CAST: variants seen among roughly 807,000 people sequenced by gnomAD.
CAST encodes the protein MIR583 host.
Under a neutral mutation model 119.6 loss-of-function variants are expected in CAST, and 76 were observed. The observed-to-expected ratio is 0.64, with a 90% CI of 0.53 to 0.77. The LOEUF (loss-of-function observed/expected upper bound fraction) is 0.77, where lower values mean the gene tolerates loss of function less well. CAST is among the 30% of genes least tolerant of loss of function. The pLI is 0.00. For synonymous variants in CAST, 319 were observed against 331.6 expected, an observed-to-expected ratio of 0.96 and a Z score of 0.41; for missense variants, 953 against 946.5, an observed-to-expected ratio of 1.01 and a Z score of -0.09.
the CAST span, among the ~76,000 whole-genome samples, chr5:96,436,967 C>T: frequency 2.6e-5 from 4 of 152,186 alleles, no homozygotes; most frequent in Non-Finnish European, 5.9e-5. Flanking sequence ...TGGAAATAGA[C>T]ATGCTTGCAG....
chr5:95,970,111 T>A, the CAST span: 13 of 152,380 alleles, frequency 8.5e-5, no homozygotes, highest in African/African-American at 2.9e-4. Flanking sequence ...CTAAGTCACT[T>A]GCTTCACGCA....
chr5:96,614,086 A>T (rs1326153164), intron 1 of CAST, among the ~76,000 whole-genome samples: 2 of 152,208 alleles, frequency 1.3e-5, no homozygotes, highest in Non-Finnish European at 2.9e-5. Flanking sequence ...GTGACCAGGT[A>T]ATACAAATGC....
chr5:96,204,483 C>T, the CAST span, among the ~76,000 whole-genome samples: 1 of 152,070 alleles, frequency 6.6e-6, no homozygotes, highest in Non-Finnish European at 1.5e-5. Flanking sequence ...ACTAGGTCCT[C>T]TACTAATTCC....
chr5:96,731,731 G>C (rs151903), intron 9 of CAST, among the ~76,000 whole-genome samples: 99,881 of 141,168 alleles, frequency 0.71, 35,289 homozygotes, highest in Admixed American at 0.78. Flanking sequence ...CAATTCCCAC[G>C]TATGAGTGAG....
chr5:96,098,464 T>C, the CAST span, among the ~76,000 whole-genome samples: 1 of 152,194 alleles, frequency 6.6e-6, no homozygotes, highest in East Asian at 1.9e-4. Flanking sequence ...TGGTTTTACA[T>C]TGAAGTCTTT....
the CAST span, among the ~76,000 whole-genome samples, chr5:96,332,898 G>C: frequency 1.3e-5 from 2 of 152,112 alleles, no homozygotes; most frequent in Non-Finnish European, 2.9e-5. Context: ...TGGTCTCCTG[G>C]CTTGGGTTCC....
At chr5:96,476,200 CT>C in the CAST span, among the ~76,000 whole-genome samples, 2 of 152,130 alleles carry the variant, frequency 1.3e-5, no homozygotes, top group South Asian at 2.1e-4. Flanking sequence ...AATAAAGAAG[CT>C]GTTGTTTTAG....
At chr5:96,674,182 T>C (rs2150245043) in intron 1 of CAST, among the ~76,000 whole-genome samples, 2 of 152,296 alleles carry the variant, frequency 1.3e-5, no homozygotes, top group South Asian at 4.1e-4. Context: ...TCCCATTTAC[T>C]AGTTATGTTT....
intron 1 of CAST, among the ~76,000 whole-genome samples, chr5:96,672,288 T>C (rs1008629099): frequency 3.9e-5 from 6 of 152,190 alleles, no homozygotes; most frequent in African/African-American, 1.4e-4. Flanking sequence ...TGTATGCAAA[T>C]AGGGCAAAAT....
At chr5:96,065,732 C>T in the CAST span, among the ~76,000 whole-genome samples, 34 of 152,238 alleles carry the variant, frequency 2.2e-4, no homozygotes, top group African/African-American at 7.5e-4. Flanking sequence ...AGCCCCTCAG[C>T]CTGTTGCCAG....
intron 1 of CAST, among the ~76,000 whole-genome samples, chr5:96,561,815 C>T (rs1203067929): frequency 1.3e-4 from 1 of 7,434 alleles, no homozygotes; most frequent in African/African-American, 4.5e-4. Context: ...TTTTTTGAGA[C>T]GGAGTCTCGC....
the CAST span, chr5:95,964,961 A>G: frequency 6.6e-6 from 1 of 151,508 alleles, no homozygotes; most frequent in Non-Finnish European, 1.5e-5. Flanking sequence ...GTGACTATCA[A>G]GGCCTTCTCT....
the CAST span, among the ~76,000 whole-genome samples, chr5:95,995,878 C>CCT: frequency 1.3e-5 from 2 of 152,116 alleles, no homozygotes; most frequent in Non-Finnish European, 2.9e-5. Flanking sequence ...CAGTAAGAAG[C>CCT]CATGGAGCAG....
chr5:96,425,008 A>AAAAGAAAGAAAAG, the CAST span, among the ~76,000 whole-genome samples: 9 of 117,478 alleles, frequency 7.7e-5, no homozygotes, highest in Non-Finnish European at 5.2e-5. Flanking sequence ...AGAAAGAAAG[A>AAAAGAAAGAAAAG]AAAGAAAGAA....
chr5:96,279,338 A>G, the CAST span, among the ~76,000 whole-genome samples: 3 of 152,134 alleles, frequency 2.0e-5, no homozygotes, highest in Non-Finnish European at 4.4e-5. Flanking sequence ...CCAGCTGCGG[A>G]TCTGAAGATG....
At chr5:96,418,907 G>C in the CAST span, among the ~76,000 whole-genome samples, 1 of 152,022 alleles carries the variant, frequency 6.6e-6, no homozygotes. Context: ...TATTATTCTT[G>C]TCATGTTGAT....
the CAST span, among the ~76,000 whole-genome samples, chr5:96,328,382 C>T: frequency 0.51 from 9,600 of 18,676 alleles, 3,339 homozygotes; most frequent in South Asian, 0.73. Flanking sequence ...CTTCTCTCTC[C>T]CTCTCTCTCT....
At chr5:96,074,411 C>T in the CAST span, among the ~76,000 whole-genome samples, 1 of 152,168 alleles carries the variant, frequency 6.6e-6, no homozygotes, top group Non-Finnish European at 1.5e-5. Context: ...CAAGAAGAGA[C>T]ACCTGAGAAC....
chr5:96,551,875 A>T (rs1253373788), intron 1 of CAST, among the ~76,000 whole-genome samples: 1 of 152,168 alleles, frequency 6.6e-6, no homozygotes, highest in Admixed American at 6.6e-5. Flanking sequence ...AAACTATCCT[A>T]AATATATATG....
Sources: allele counts gnomAD v4.1 joint callset (sites outside exome capture counted in the v4.1 genomes callset), GRCh38; gene constraint gnomAD v4.1.1; transcripts MANE v1.5; gene names NCBI Gene and HGNC (gene_info 2026-07-23, HGNC 2026-07-21).